The following CDK14 variants were observed in gnomAD, a reference collection of about 807,000 sequenced individuals.
CDK14 encodes the protein cyclin dependent kinase 14, also known as cyclin-dependent kinase 14.
A neutral mutation model predicts 60.7 loss-of-function variants in CDK14; 34 were observed. The ratio of observed to expected loss-of-function variants is 0.56; its 90% confidence interval spans 0.43 to 0.75. The LOEUF is 0.75. Ranked by LOEUF, CDK14 falls within the 30% of genes least tolerant of loss-of-function variation. The pLI, the probability that CDK14 is intolerant of heterozygous loss-of-function variation, is 0.00. For synonymous variants in CDK14, 197 were observed against 203.7 expected (o/e 0.97, Z 0.28); for missense variants, 482 against 564.1 (o/e 0.85, Z 1.47).
chr7:90,823,566 C>T (rs1019719397), intron 5 of CDK14, among the ~76,000 whole-genome samples: 3 of 152,062 alleles, frequency 2.0e-5, no homozygotes, highest in Non-Finnish European at 4.4e-5. Context: ...GTGATCAGAT[C>T]GGAAAGGTGC....
chr7:90,675,802 A>C (rs1400117667), intron 2 of CDK14, among the ~76,000 whole-genome samples: 1 of 152,182 alleles, frequency 6.6e-6, no homozygotes, highest in African/African-American at 2.4e-5. Context: ...GGCAACTAAA[A>C]TCTTGCTTCT....
At position 90,630,881 on chromosome 7, in the gene CDK14, G is replaced by GGTGTGT. The variant is rs1160442832; in HGVS notation, c.123+26633_123+26638dup. Among the ~76,000 whole-genome samples, 3 of 78,886 alleles carry GGTGTGT rather than the reference G, an allele frequency of 3.8e-5. No individual in the cohort carries two copies. In the East Asian group the frequency reaches 1.7e-3, roughly 46 times the overall value. The allele number at this position is 78,886 out of a possible 152,430, so 51.8% of individuals were successfully genotyped here. On this transcript the variant is annotated intron_variant, in intron 2 of 14. Transcript: ENST00000380050. ...TTATCTCTGAGTATTTACATCTTGGGGTGTGTATGTGTGTGTGTGTGTGTG... is the reference window on the plus strand; with the variant it reads ...TTATCTCTGAGTATTTACATCTTGGGGTGTGTGTGTGTATGTGTGTGTGTGTGTGTG...
At chr7:90,941,628 ATT>A (rs143791021) in intron 8 of CDK14, among the ~76,000 whole-genome samples, 65 of 150,748 alleles carry the variant, frequency 4.3e-4, no homozygotes, top group Non-Finnish European at 6.7e-4. Flanking sequence ...TTTTTTTTTA[ATT>A]TTTTGTAGAC....
chr7:90,787,201 A>G lies in CDK14; in HGVS notation c.465-3372A>G, dbSNP rs1044245840. On this transcript the variant is annotated intron_variant, in intron 4 of 14. Transcript: ENST00000380050. ...ATTCTTAATGAGAAACCAATGAAGC[A>G]GTCGTAGAAAAGGGAGATGCTGATT... 3.7e-4 allele frequency among the ~76,000 whole-genome samples: 57 copies of G among 152,182 alleles called. 1 individual carries two copies. The highest frequency in any genetic ancestry group is 1.5e-5 in the Non-Finnish European group (1 of 68,036).
chr7:91,010,669 A>C (rs1361581076), intron 10 of CDK14, among the ~76,000 whole-genome samples: 1 of 151,780 alleles, frequency 6.6e-6, no homozygotes, highest in Non-Finnish European at 1.5e-5. Flanking sequence ...TATGTAAGTT[A>C]TCATCTCTGT....
chr7:91,162,871 G>A (rs953648948), intron 14 of CDK14, among the ~76,000 whole-genome samples: 1 of 152,192 alleles, frequency 6.6e-6, no homozygotes, highest in African/African-American at 2.4e-5. Context: ...GGGGCAGGTA[G>A]TTGGAGAGGG....
At chr7:90,872,057 A>G (rs1000492960) in intron 6 of CDK14, among the ~76,000 whole-genome samples, 1 of 152,182 alleles carries the variant, frequency 6.6e-6, no homozygotes, top group Non-Finnish European at 1.5e-5. Context: ...TGTGCCAGGG[A>G]GTATCCTTAA....
intron 5 of CDK14, among the ~76,000 whole-genome samples, chr7:90,792,909 T>A (rs1805892445): frequency 6.6e-6 from 1 of 152,252 alleles, no homozygotes; most frequent in Non-Finnish European, 1.5e-5. Context: ...TCCCCATGGC[T>A]GGAATGCTCT....
intron 5 of CDK14, among the ~76,000 whole-genome samples, chr7:90,808,591 G>C (rs1461183260): frequency 2.0e-5 from 3 of 152,136 alleles, no homozygotes; most frequent in African/African-American, 4.8e-5. Context: ...ACATCATAAT[G>C]ACAGGATCAA....
chr7:90,627,584 A>G (rs1799903782), intron 2 of CDK14, among the ~76,000 whole-genome samples: 2 of 152,200 alleles, frequency 1.3e-5, no homozygotes, highest in African/African-American at 2.4e-5. Context: ...TTATTTTCCC[A>G]TCAAAGTGGC....
intron 2 of CDK14, among the ~76,000 whole-genome samples, chr7:90,720,303 G>A (rs1472903395): frequency 6.6e-6 from 1 of 152,166 alleles, no homozygotes; most frequent in African/African-American, 2.4e-5. Context: ...GGCAATTTTG[G>A]AGACAAGTCA....
chr7:91,040,779 A>G (rs1797067048), intron 10 of CDK14, among the ~76,000 whole-genome samples: 1 of 152,178 alleles, frequency 6.6e-6, no homozygotes, highest in Admixed American at 6.5e-5. Context: ...GTTGTACTTA[A>G]ATCACAGGTG....
chr7:90,879,723 C>A (rs11977780), intron 6 of CDK14, among the ~76,000 whole-genome samples: 1 of 151,564 alleles, frequency 6.6e-6, no homozygotes, highest in Non-Finnish European at 1.5e-5. Flanking sequence ...TGCACATGTA[C>A]CCTAGAACTT....
At chr7:90,642,473 C>G (rs1231667940) in intron 2 of CDK14, among the ~76,000 whole-genome samples, 1 of 151,992 alleles carries the variant, frequency 6.6e-6, no homozygotes, top group Non-Finnish European at 1.5e-5. Context: ...TTGCTACTTT[C>G]TTTGGATAAA....
At chr7:90,655,371 A>C (rs535740028) in intron 2 of CDK14, among the ~76,000 whole-genome samples, 4 of 152,302 alleles carry the variant, frequency 2.6e-5, no homozygotes, top group African/African-American at 9.6e-5. Flanking sequence ...CCCAGGATTT[A>C]AGATGCATGT....
chr7:90,611,558 TC>T (rs1324983454), intron 2 of CDK14, among the ~76,000 whole-genome samples: 2 of 152,202 alleles, frequency 1.3e-5, no homozygotes, highest in Non-Finnish European at 2.9e-5. Flanking sequence ...TGGTTTTTGT[TC>T]CTTGCTGTCA....
intron 2 of CDK14, among the ~76,000 whole-genome samples, chr7:90,606,309 C>T (rs1284048884): frequency 1.3e-5 from 2 of 152,124 alleles, no homozygotes; most frequent in African/African-American, 4.8e-5. Flanking sequence ...GGGCATTTGA[C>T]TTATTAATTT....
chr7:91,049,822 A>G (rs17163534), intron 11 of CDK14, among the ~76,000 whole-genome samples: 10,955 of 152,316 alleles, frequency 0.072, 574 homozygotes, highest in Admixed American at 0.16. Context: ...AACAAAAAGC[A>G]AATGATCCTT....
At chr7:91,065,532 C>T (rs1230408173) in intron 11 of CDK14, among the ~76,000 whole-genome samples, 1 of 152,152 alleles carries the variant, frequency 6.6e-6, no homozygotes, top group Non-Finnish European at 1.5e-5. Context: ...ACAAATACTG[C>T]TTTACTTCTG....
Sources: allele counts gnomAD v4.1 joint callset (sites outside exome capture counted in the v4.1 genomes callset), GRCh38; gene constraint gnomAD v4.1.1; transcripts MANE v1.5; gene names NCBI Gene and HGNC (gene_info 2026-07-23, HGNC 2026-07-21).